The following ELAPOR2 variants were observed in gnomAD, a reference collection of about 807,000 sequenced individuals.
The protein encoded by ELAPOR2 is endosome-lysosome associated apoptosis and autophagy regulator family member 2.
Under a neutral mutation model 120.7 loss-of-function variants are expected in ELAPOR2, and 89 were observed. That is an observed-to-expected ratio of 0.74 (90% confidence interval 0.62 to 0.88). ELAPOR2 has a LOEUF of 0.88. Ranked by LOEUF, ELAPOR2 falls within the 40% of genes least tolerant of loss-of-function variation. The pLI is 0.00. For synonymous variants in ELAPOR2, 444 were observed against 444.9 expected, an observed-to-expected ratio of 1.00 and a Z score of 0.03; for missense variants, 1,134 against 1,251.6, an observed-to-expected ratio of 0.91 and a Z score of 1.42.
chr7:86,939,486 G>A (rs533831023), intron 6 of ELAPOR2, among the ~76,000 whole-genome samples: 4 of 152,182 alleles, frequency 2.6e-5, no homozygotes, highest in South Asian at 2.1e-4. Flanking sequence ...TAATAAAGGA[G>A]AATCACTGCT....
chr7:86,974,042 T>C (rs568732883), intron 1 of ELAPOR2, among the ~76,000 whole-genome samples: 2 of 152,104 alleles, frequency 1.3e-5, no homozygotes, highest in African/African-American at 4.8e-5. Flanking sequence ...ATAGTAATTT[T>C]CTTTTTTTTT....
intron 1 of ELAPOR2, among the ~76,000 whole-genome samples, chr7:86,979,396 G>A (rs571334682): frequency 5.3e-5 from 8 of 152,322 alleles, no homozygotes; most frequent in African/African-American, 1.9e-4. Flanking sequence ...GTGTAACCTA[G>A]TAGAACAAAG....
Position 86,876,966 on chromosome 7 carries a change from G to T in ELAPOR2, c.*3505C>A, listed in dbSNP as rs1400969439. On this transcript the variant is annotated 3_prime_UTR_variant, in exon 22 of 22. Coordinates refer to ENST00000450689, the MANE Select transcript of ELAPOR2 (RefSeq NM_001142749.3). ...AGCCACGCCCATCCATTTACATTTTGTATGTGGTTGCTTTCATACTACAAT... is the reference window on the plus strand; with the variant it reads ...AGCCACGCCCATCCATTTACATTTTTTATGTGGTTGCTTTCATACTACAAT... 1 of 152,210 alleles carries T rather than the reference G, an allele frequency of 6.6e-6. No individual in the cohort carries two copies. Among genetic ancestry groups the T allele is most frequent in the Middle Eastern group, 3.4e-3 (1 of 294 alleles). The allele number at this position is 152,210 out of a possible 1,614,324, so 9.4% of individuals were successfully genotyped here. A position where few individuals can be genotyped will look rare whatever the true frequency, so the allele number is the denominator to read the frequency against.
At chr7:86,910,054 C>A in intron 15 of ELAPOR2, 53 bp from the exon 16 acceptor site, 1 of 1,411,036 alleles carries the variant, frequency 7.1e-7, no homozygotes, top group Non-Finnish European at 9.7e-7. Flanking sequence ...AATCTCTAAA[C>A]TTAATCTTGA....
intron 1 of ELAPOR2, among the ~76,000 whole-genome samples, chr7:87,022,285 T>C (rs1459230075): frequency 7.2e-6 from 1 of 138,238 alleles, no homozygotes; most frequent in Non-Finnish European, 1.5e-5. Context: ...TGTGTCCATG[T>C]GTTCTCATTG....
At chr7:86,992,940 A>G (rs1792992857) in intron 1 of ELAPOR2, among the ~76,000 whole-genome samples, 1 of 152,176 alleles carries the variant, frequency 6.6e-6, no homozygotes, top group African/African-American at 2.4e-5. Flanking sequence ...ATTCACTGAA[A>G]GTATAAAGAA....
chr7:86,938,787 C>A, intron 7 of ELAPOR2, 21 bp downstream of exon 7: 1 of 1,610,376 alleles, frequency 6.2e-7, no homozygotes. Context: ...AAGAAAAAAG[C>A]AGAGTATAAA....
rs199513069 is a variant in ELAPOR2, at chr7:87,038,703, G to A, written c.189+20622C>T. Among the ~76,000 whole-genome samples, 3 of 152,066 alleles carry A rather than the reference G, an allele frequency of 2.0e-5. No homozygotes were observed. The East Asian group carries it at 5.8e-4, about 29-fold the overall frequency. ...CCTGAATGACCAGTGGGTCAATGAA[G>A]AAATTGAGAAGAAAATTGAAAAATT... On this transcript the variant is annotated intron_variant, in intron 1 of 21. Transcript: ENST00000450689.
At chr7:86,977,916 G>C (rs537255849) in intron 1 of ELAPOR2, among the ~76,000 whole-genome samples, 25 of 152,108 alleles carry the variant, frequency 1.6e-4, no homozygotes, top group African/African-American at 6.0e-4. Flanking sequence ...GAGAAAATTA[G>C]AAAATATGGA....
At chr7:86,931,335 C>A (rs905559002) in intron 8 of ELAPOR2, among the ~76,000 whole-genome samples, 1 of 151,922 alleles carries the variant, frequency 6.6e-6, no homozygotes, top group African/African-American at 2.4e-5. Flanking sequence ...TCATCATCAT[C>A]TTCTCCAAAA....
Position 86,993,246 on chromosome 7 carries a change from A to G in ELAPOR2, c.190-28222T>C, listed in dbSNP as rs113856601. Among the ~76,000 whole-genome samples the G allele has an allele frequency of 4.4e-3, 633 of 144,028 alleles. 6 individuals are homozygous for G. Among genetic ancestry groups the G allele is most frequent in the Non-Finnish European group, 7.9e-3 (526 of 66,476 alleles). 94.5% of individuals were successfully genotyped at this position (144,028 alleles called of 152,430 possible). A position where few individuals can be genotyped will look rare whatever the true frequency, so the allele number is the denominator to read the frequency against. On this transcript the variant is annotated intron_variant, in intron 1 of 21. Transcript: ENST00000450689. ...CGAGACTCCATCTCAAAAAAAAAAA[A>G]AAAAGAAAAAGAAAAGAAAAGGAAA...
chr7:86,917,595 A>T (rs1271253686), intron 12 of ELAPOR2, among the ~76,000 whole-genome samples: 1 of 152,156 alleles, frequency 6.6e-6, no homozygotes, highest in Non-Finnish European at 1.5e-5. Flanking sequence ...GGGAGAATTG[A>T]AGACTTACGG....
intron 6 of ELAPOR2, among the ~76,000 whole-genome samples, chr7:86,939,737 G>C (rs995558294): frequency 1.3e-5 from 2 of 151,972 alleles, no homozygotes; most frequent in African/African-American, 2.4e-5. Context: ...TTAACACAGA[G>C]ACATTTTGTT....
intron 1 of ELAPOR2, among the ~76,000 whole-genome samples, chr7:87,003,021 T>C (rs1393574722): frequency 6.6e-6 from 1 of 152,006 alleles, no homozygotes; most frequent in Admixed American, 6.6e-5. Context: ...ACATCATAAA[T>C]TTGCTCTCCC....
At chr7:87,009,220 T>C (rs1186754954) in intron 1 of ELAPOR2, among the ~76,000 whole-genome samples, 1 of 152,132 alleles carries the variant, frequency 6.6e-6, no homozygotes, top group Non-Finnish European at 1.5e-5. Context: ...ACAAAAACCG[T>C]ACAAAGTTTA....
chr7:86,981,742 G>C (rs1278232249), intron 1 of ELAPOR2, among the ~76,000 whole-genome samples: 13 of 152,224 alleles, frequency 8.5e-5, no homozygotes, highest in Admixed American at 7.9e-4. Context: ...CAGCGTGATT[G>C]ACGCAGAAGA....
chr7:86,897,708 G>A, intron 18 of ELAPOR2, 76 bp from the exon 19 acceptor site: 1 of 1,528,674 alleles, frequency 6.5e-7, no homozygotes, highest in Non-Finnish European at 9.0e-7. Context: ...ATCAACACCA[G>A]AATACCTATC....
intron 2 of ELAPOR2, among the ~76,000 whole-genome samples, chr7:86,951,989 C>T (rs1791270420): frequency 6.6e-6 from 1 of 152,124 alleles, no homozygotes; most frequent in South Asian, 2.1e-4. Context: ...GCAGCAAAAT[C>T]ACCCAAAAAA....
intron 1 of ELAPOR2, among the ~76,000 whole-genome samples, chr7:87,000,828 G>T (rs140725294): frequency 6.6e-6 from 1 of 152,274 alleles, no homozygotes; most frequent in Non-Finnish European, 1.5e-5. Context: ...ACCTGGAACA[G>T]TTGCACATTC....
Sources: allele counts gnomAD v4.1 joint callset (sites outside exome capture counted in the v4.1 genomes callset), GRCh38; gene constraint gnomAD v4.1.1; transcripts MANE v1.5; gene names NCBI Gene and HGNC (gene_info 2026-07-23, HGNC 2026-07-21).